The following AP2B1 variants were observed in gnomAD, a reference collection of about 807,000 sequenced individuals.
The protein encoded by AP2B1 is AP-2 complex subunit beta.
Under a neutral mutation model 102.0 loss-of-function variants are expected in AP2B1, and 23 were observed. The ratio of observed to expected loss-of-function variants is 0.23; its 90% confidence interval spans 0.16 to 0.32. The LOEUF (loss-of-function observed/expected upper bound fraction) is 0.32, where lower values mean the gene tolerates loss of function less well. AP2B1 is among the 10% of genes least tolerant of loss of function. The pLI is 1.00. For missense variants in AP2B1, 541 were observed against 1,157.4 expected (o/e 0.47, Z 7.73); for synonymous variants, 381 against 421.2 (o/e 0.90, Z 1.17).
chr17:35,699,699 C>G (rs1053246954), intron 18 of AP2B1, among the ~76,000 whole-genome samples: 1 of 152,152 alleles, frequency 6.6e-6, no homozygotes, highest in African/African-American at 2.4e-5. Context: ...CATAAATAGA[C>G]CTTTCTGTTT....
chr17:35,657,123 GTTGAT>G (rs1471767319), intron 13 of AP2B1, among the ~76,000 whole-genome samples: 2 of 152,074 alleles, frequency 1.3e-5, no homozygotes, highest in African/African-American at 4.8e-5. Flanking sequence ...AATCAGCACC[GTTGAT>G]TTTGTTGTGT....
chr17:35,597,263 G>A (rs548379862), intron 2 of AP2B1: 6 of 336,424 alleles, frequency 1.8e-5, no homozygotes, highest in Admixed American at 1.3e-4. Flanking sequence ...AAGTTGAGAT[G>A]GGAGTAGTCA....
intron 3 of AP2B1, chr17:35,600,918 G>C (rs1375408462): frequency 1.5e-5 from 12 of 787,698 alleles, no homozygotes; most frequent in Non-Finnish European, 1.8e-5. Flanking sequence ...AAATGACTCT[G>C]TATCTTCTCT....
intron 12 of AP2B1, among the ~76,000 whole-genome samples, chr17:35,642,874 T>G (rs2074821579): frequency 6.6e-6 from 1 of 152,204 alleles, no homozygotes; most frequent in Non-Finnish European, 1.5e-5. Flanking sequence ...AAAACTTTCT[T>G]AAGCATCTTC....
chr17:35,714,907 C>T (rs782043445), intron 20 of AP2B1, among the ~76,000 whole-genome samples: 24 of 152,034 alleles, frequency 1.6e-4, no homozygotes, highest in Admixed American at 2.6e-4. Context: ...TATAAGATTC[C>T]GTCCTGTTTC....
chr17:35,616,612 AT>A (rs2074029723), intron 5 of AP2B1, among the ~76,000 whole-genome samples: 1 of 152,198 alleles, frequency 6.6e-6, no homozygotes, highest in Non-Finnish European at 1.5e-5. Flanking sequence ...AAACTAGGAA[AT>A]TAGCATTGGG....
At chr17:35,598,619 AC>A (rs1450210596) in intron 3 of AP2B1, among the ~76,000 whole-genome samples, 7 of 152,230 alleles carry the variant, frequency 4.6e-5, no homozygotes, top group Non-Finnish European at 7.3e-5. Flanking sequence ...TGGCACAGTT[AC>A]AAATCTTTTT....
At chr17:35,592,683 A>G (rs2073141263) in intron 1 of AP2B1, among the ~76,000 whole-genome samples, 1 of 151,978 alleles carries the variant, frequency 6.6e-6, no homozygotes, top group Non-Finnish European at 1.5e-5. Flanking sequence ...GCTGGGATTA[A>G]AGGCACGTGC....
chr17:35,681,613 G>T (rs1239443538), intron 17 of AP2B1, among the ~76,000 whole-genome samples: 3 of 152,024 alleles, frequency 2.0e-5, no homozygotes, highest in Admixed American at 2.0e-4. Flanking sequence ...GGGGTGGGCA[G>T]TAAAGACACG....
At chr17:35,637,828 G>T (rs1468405931) in intron 10 of AP2B1, among the ~76,000 whole-genome samples, 1 of 151,620 alleles carries the variant, frequency 6.6e-6, no homozygotes, top group Non-Finnish European at 1.5e-5. Flanking sequence ...GGGATTACAG[G>T]TGGCTGCCAC....
chr17:35,673,423 G>C (rs1173042915), intron 16 of AP2B1, among the ~76,000 whole-genome samples: 1 of 151,986 alleles, frequency 6.6e-6, no homozygotes. Context: ...TCCTGATCTC[G>C]TGATCTGCCC....
intron 3 of AP2B1, among the ~76,000 whole-genome samples, chr17:35,601,968 G>A (rs1360866229): frequency 6.6e-6 from 1 of 151,960 alleles, no homozygotes; most frequent in African/African-American, 2.4e-5. Context: ...GTAGAGATGG[G>A]GTTTCTGCAT....
intron 3 of AP2B1, among the ~76,000 whole-genome samples, chr17:35,598,674 T>G (rs2073375009): frequency 6.6e-6 from 1 of 152,236 alleles, no homozygotes; most frequent in South Asian, 2.1e-4. Flanking sequence ...CTGAGAAGCA[T>G]AAGTTCACAT....
chr17:35,695,004 G>A (rs2076114098), intron 18 of AP2B1, among the ~76,000 whole-genome samples: 1 of 152,184 alleles, frequency 6.6e-6, no homozygotes, highest in Admixed American at 6.5e-5. Context: ...ATTCGAAGAT[G>A]AGACAGCAGC....
intron 11 of AP2B1, among the ~76,000 whole-genome samples, chr17:35,641,033 G>A (rs1439201325): frequency 1.3e-5 from 2 of 152,162 alleles, no homozygotes; most frequent in Non-Finnish European, 2.9e-5. Context: ...AGAAAATAAT[G>A]TATGTAATCT....
At chr17:35,686,536 T>C (rs757136106) in intron 18 of AP2B1, among the ~76,000 whole-genome samples, 1 of 152,238 alleles carries the variant, frequency 6.6e-6, no homozygotes, top group Non-Finnish European at 1.5e-5. Flanking sequence ...ATGTAGATGC[T>C]GCAGGGTTCC....
At chr17:35,642,754 A>G (rs1313148947) in intron 12 of AP2B1, among the ~76,000 whole-genome samples, 1 of 152,188 alleles carries the variant, frequency 6.6e-6, no homozygotes, top group African/African-American at 2.4e-5. Context: ...ACTGGTGTGT[A>G]ATCAAAATTT....
At chr17:35,668,610 AAAATT>A (rs1172607759) in intron 14 of AP2B1, among the ~76,000 whole-genome samples, 1 of 152,218 alleles carries the variant, frequency 6.6e-6, no homozygotes, top group Admixed American at 6.5e-5. Flanking sequence ...GGGAAATTAA[AAAATT>A]AAAAGACAGC....
chr17:35,648,159 A>G (rs774082122), intron 12 of AP2B1, among the ~76,000 whole-genome samples: 2 of 152,166 alleles, frequency 1.3e-5, no homozygotes, highest in African/African-American at 4.8e-5. Flanking sequence ...CATCATATAG[A>G]CATACTTTTG....
Sources: gnomAD v4.1 joint callset for allele counts (sites outside exome capture counted in the v4.1 genomes callset) on GRCh38, gnomAD v4.1.1 for gene constraint, MANE v1.5 for transcripts, NCBI Gene and HGNC (gene_info 2026-07-23, HGNC 2026-07-21) for gene names.